TAF6: variants seen among roughly 807,000 people sequenced by gnomAD.
The protein encoded by TAF6 is transcription initiation factor TFIID subunit 6.
In TAF6, 50 loss-of-function variants were observed where a neutral mutation model predicts 73.5. The observed-to-expected ratio is 0.68, with a 90% CI of 0.54 to 0.86. TAF6 has a LOEUF of 0.86. TAF6 is among the 40% of genes least tolerant of loss of function. The probability of loss-of-function intolerance (pLI) is 0.00; values close to 1 mark genes in which losing one functional copy is unlikely to be tolerated. For synonymous variants in TAF6, 424 were observed against 376.7 expected (o/e 1.13, Z -1.45); for missense variants, 768 against 899.5 (o/e 0.85, Z 1.87).
upstream of TAF6, chr7:100,122,201 A>G: frequency 6.2e-7 from 1 of 1,605,504 alleles, no homozygotes; most frequent in South Asian, 1.1e-5. Context: ...CATCTGCAGA[A>G]TGAATGGCTG....
intron 6 of TAF6, among the ~76,000 whole-genome samples, chr7:100,112,501 C>T (rs1797282185): frequency 6.6e-6 from 1 of 151,638 alleles, no homozygotes; most frequent in South Asian, 2.1e-4. Context: ...TCACATGAGG[C>T]TGAGTTTGAA....
intron 10 of TAF6, among the ~76,000 whole-genome samples, chr7:100,110,798 C>T (rs918890199): frequency 1.3e-5 from 2 of 151,052 alleles, no homozygotes; most frequent in African/African-American, 4.9e-5. Context: ...GCAAGAAGAG[C>T]GAAACTCCAT....
chr7:100,112,375 C>A (rs983747122), intron 6 of TAF6, 122 bp from the exon 7 acceptor site: 31 of 1,385,302 alleles, frequency 2.2e-5, no homozygotes, highest in Non-Finnish European at 2.8e-5. Context: ...TAGGCTCCCC[C>A]ATCCTTTCTG....
chr7:100,121,110 A>ATTTTTTTTT (rs1798036782), upstream of TAF6: 9 of 28,396 alleles, frequency 3.2e-4, no homozygotes, highest in East Asian at 7.1e-4. Flanking sequence ...ATATATATAT[A>ATTTTTTTTT]TATATATTTT....
Position 100,107,530 on chromosome 7 carries a change from A to C in TAF6, c.1750T>G (p.Leu584Val). The change falls in exon 15 of 15, where the codon TTG becomes GTG. Residue 584 changes from leucine to valine, a missense_variant. Around this residue, in one of 5 missense-constraint regions of TAF6, gnomAD observed 350 missense variants for 352.3 expected, o/e 0.99. Coordinates refer to ENST00000453269, the MANE Select transcript of TAF6 (RefSeq NM_139315.3). ...TVPSVQPIVK[L>V]VSTATTAPPS... ...GGTGCGGTGGTGGCGGTGGAGACCA[A>C]CTTGACGATGGGCTGCACGCTGGGG... The C allele has an allele frequency of 6.2e-7, 1 of 1,613,952 alleles. No homozygotes were observed. The highest frequency in any genetic ancestry group is 8.5e-7 in the Non-Finnish European group (1 of 1,179,958).
chr7:100,121,116 A>ATATATTTTTTTTT (rs1584585316), upstream of TAF6: 3 of 52,778 alleles, frequency 5.7e-5, no homozygotes, highest in African/African-American at 9.7e-5. Flanking sequence ...ATATATATAT[A>ATATATTTTTTTTT]TTTTTTTTTT....
intron 11 of TAF6, 30 bp downstream of exon 11, chr7:100,110,170 T>A: frequency 1.2e-6 from 2 of 1,613,884 alleles, no homozygotes; most frequent in Non-Finnish European, 1.7e-6. Flanking sequence ...CTGTGTCCCC[T>A]CCCCCATTTC....
chr7:100,119,516 AT>A (rs1797954400), upstream of TAF6: 17 of 1,341,766 alleles, frequency 1.3e-5, no homozygotes, highest in East Asian at 2.6e-5. Context: ...AATTACTGCA[AT>A]TTATTCCTTC....
chr7:100,119,432 A>C, upstream of TAF6: 39 of 1,209,392 alleles, frequency 3.2e-5, no homozygotes, highest in East Asian at 2.2e-4. Context: ...TAAGTCCTCT[A>C]GGCTCGCAGA....
intron 1 of TAF6, 169 bp from the exon 2 acceptor site, chr7:100,114,437 C>T: frequency 1.4e-6 from 1 of 731,758 alleles, no homozygotes; most frequent in Non-Finnish European, 2.3e-6. Flanking sequence ...TGGGCTGGGG[C>T]CAGGTTCAGT....
intron 1 of TAF6, 157 bp downstream of exon 1, chr7:100,119,047 G>A (rs1009869999): frequency 2.0e-6 from 2 of 985,492 alleles, no homozygotes; most frequent in Admixed American, 6.2e-5. Context: ...AGGCGTCCCA[G>A]GGAAGGGTTA....
chr7:100,122,052 A>C, upstream of TAF6: 1 of 452,964 alleles, frequency 2.2e-6, no homozygotes, highest in South Asian at 2.4e-5. Flanking sequence ...TCCGTCTGAA[A>C]AAAAAAAAAA....
rs749694558 is a variant in TAF6 at position 100,113,408 on chromosome 7, G to A, written c.398-3C>T. 10 of 1,584,866 alleles carry A rather than the reference G, an allele frequency of 6.3e-6. No individual in the cohort carries two copies. The African/African-American group carries it at 1.2e-4, about 19-fold the overall frequency. On this transcript the variant is annotated splice_region_variant and splice_polypyrimidine_tract_variant and intron_variant, in intron 4 of 14. Transcript: ENST00000453269. ...GCCCTCGATGCTCAGCCAATGAGCT[G>A]CAAGGAAGGCAGGTGTCAAGGTGAA... is the stretch of plus-strand genomic sequence containing the variant.
intron 12 of TAF6, chr7:100,108,783 C>T (rs779218070): frequency 4.0e-5 from 15 of 373,526 alleles, no homozygotes; most frequent in East Asian, 1.3e-4. Flanking sequence ...AGGCCTGTAT[C>T]CCAGCACTTG....
chr7:100,112,492 C>T (rs999218149), intron 6 of TAF6, among the ~76,000 whole-genome samples: 2 of 152,120 alleles, frequency 1.3e-5, no homozygotes, highest in African/African-American at 4.8e-5. Flanking sequence ...GCGGGCGGAT[C>T]ACATGAGGCT....
chr7:100,113,876 T>C lies in TAF6; in HGVS notation c.235A>G (p.Asn79Asp). ...SDIDYALKLK[N>D]VEPLYGFHAQ... is the part of the protein sequence containing the mutation. Reference sequence around the variant, plus strand: ...CTGTCTCCCCAAATCACCTCGACATTCTTTAGCTTCAAGGCGTAGTCAATG... The same window carrying C: ...CTGTCTCCCCAAATCACCTCGACATCCTTTAGCTTCAAGGCGTAGTCAATG... The change falls in exon 3 of 15, where the codon AAT (asparagine) becomes GAT (aspartate). Residue 79 changes from asparagine (N) to aspartate (D), a missense_variant. Around this residue, in one of 5 missense-constraint regions of TAF6, gnomAD observed 269 missense variants for 268.0 expected, o/e 1.00. Transcript: ENST00000453269. 3 of 1,613,688 alleles carry C rather than the reference T, an allele frequency of 1.9e-6. No individual in the cohort carries two copies. Among genetic ancestry groups the C allele is most frequent in the Non-Finnish European group, 2.5e-6 (3 of 1,179,938 alleles).
chr7:100,111,150 T>C lies in TAF6; in HGVS notation c.1072A>G (p.Thr358Ala), dbSNP rs1275868858. ...TTTTCCTGGCTCACCTTGGTGAAGG[T>C]CTTGGTGATCCGGGACTGGATGTTG... Reference protein sequence around the residue: ...TNNIQSRITKTFTKSWVDEKT... With the variant: ...TNNIQSRITKAFTKSWVDEKT... Residue 358 changes from threonine (T) to alanine (A), a missense_variant, in exon 10 of 15, where the codon ACC becomes GCC. Coordinates refer to ENST00000453269, the MANE Select transcript of TAF6 (RefSeq NM_139315.3). The C allele has an allele frequency of 6.2e-7, 1 of 1,613,724 alleles. No individual in the cohort carries two copies. The highest frequency in any genetic ancestry group is 8.5e-7 in the Non-Finnish European group (1 of 1,179,720).
intron 4 of TAF6, 74 bp downstream of exon 4, chr7:100,113,542 T>C: frequency 6.4e-7 from 1 of 1,565,988 alleles, no homozygotes; most frequent in Non-Finnish European, 8.7e-7. Context: ...TCTTCTATTG[T>C]GAGGCTCCTC....
In TAF6 at chr7:100,108,486, C is replaced by G. The variant is rs770429821; in HGVS notation, c.1339G>C (p.Ala447Pro). 28 of 1,613,672 alleles carry G rather than the reference C, an allele frequency of 1.7e-5. No homozygotes were observed. Among genetic ancestry groups the G allele is most frequent in the Admixed American group, 1.2e-4 (7 of 59,988 alleles). Reference sequence around the variant, plus strand: ...AGGGACCCGAATTCTGCCCGATAGGCGTCCTGATTGTCAGGCGGTGGGCGC... The same window carrying G: ...AGGGACCCGAATTCTGCCCGATAGGGGTCCTGATTGTCAGGCGGTGGGCGC... ...KLRPPPDNQD[A>P]YRAEFGSLGP... The change falls in exon 13 of 15, where the codon GCC (alanine) becomes CCC (proline). Residue 447 changes from alanine (A) to proline (P), a missense_variant. This residue lies in a region of TAF6 where 350 missense variants were observed against 352.3 expected (regional missense o/e 0.99). Coordinates refer to ENST00000453269, the MANE Select transcript of TAF6 (RefSeq NM_139315.3).
Sources: allele counts gnomAD v4.1 joint callset (sites outside exome capture counted in the v4.1 genomes callset), GRCh38; gene constraint gnomAD v4.1.1; regional missense constraint gnomAD v4.1.1; transcripts MANE v1.5; gene names NCBI Gene and HGNC (gene_info 2026-07-23, HGNC 2026-07-21).